The following BTBD10 variants were observed in gnomAD, a reference collection of about 807,000 sequenced individuals.
BTBD10 encodes the protein BTB/POZ domain-containing protein 10.
Under a neutral mutation model 53.2 loss-of-function variants are expected in BTBD10, and 21 were observed. That is an observed-to-expected ratio of 0.39 (90% CI 0.28 to 0.57). BTBD10 has a LOEUF of 0.57. Among genes scored for constraint, BTBD10 ranks in the 20% least tolerant of loss-of-function variants. The pLI is 0.53. For missense variants in BTBD10, 360 were observed against 594.7 expected (o/e 0.61, Z 4.10); for synonymous variants, 149 against 192.7 (o/e 0.77, Z 1.88).
chr11:13,458,263 T>C (rs1591179235), intron 1 of BTBD10, among the ~76,000 whole-genome samples: 1 of 151,936 alleles, frequency 6.6e-6, no homozygotes, highest in African/African-American at 2.4e-5. Flanking sequence ...TCTTAATATG[T>C]TGAGTTCAAG....
chr11:13,409,185 T>A (rs1400348078), intron 6 of BTBD10, among the ~76,000 whole-genome samples: 1 of 152,196 alleles, frequency 6.6e-6, no homozygotes, highest in Non-Finnish European at 1.5e-5. Context: ...CTCTCAAATA[T>A]ACCAGACAAG....
At chr11:13,446,505 C>T (rs1329889014) in intron 1 of BTBD10, among the ~76,000 whole-genome samples, 1 of 151,898 alleles carries the variant, frequency 6.6e-6, no homozygotes. Flanking sequence ...AATAAATGAG[C>T]ATTTAATATA....
chr11:13,445,094 T>G lies in BTBD10; in HGVS notation c.31A>C (p.Asn11His), dbSNP rs1565267885. 6.2e-7 allele frequency: 1 copy of G among 1,613,224 alleles called. No individual in the cohort carries two copies. The highest frequency in any genetic ancestry group is 8.5e-7 in the Non-Finnish European group (1 of 1,179,472). Reference protein sequence around the residue: MAGRPHPYDGNSSDPENWDRK... With the variant: MAGRPHPYDGHSSDPENWDRK... ...TCCCAATTCTCTGGATCACTGGAGT[T>G]ACCATCATAGGGATGAGGCCGTCCT... The change falls in exon 2 of 9, where the codon AAC becomes CAC. Residue 11 changes from asparagine (N) to histidine (H), a missense_variant. Asn to His is a moderately conservative substitution (Grantham distance 68). This residue lies in a region of BTBD10 where 81 missense variants were observed against 82.6 expected (regional missense o/e 0.98). Transcript: ENST00000278174.
intron 1 of BTBD10, among the ~76,000 whole-genome samples, chr11:13,458,032 C>T (rs567019457): frequency 7.2e-4 from 107 of 147,800 alleles, no homozygotes; most frequent in African/African-American, 2.6e-3. Context: ...CTGAGTGTGG[C>T]GGTATGTGCC....
At chr11:13,406,640 T>C (rs1422691867) in intron 6 of BTBD10, among the ~76,000 whole-genome samples, 1 of 135,424 alleles carries the variant, frequency 7.4e-6, no homozygotes, top group Non-Finnish European at 1.6e-5. Context: ...TGTGTGTGTG[T>C]TTGTGTGTGT....
chr11:13,441,399 T>C lies in BTBD10; in HGVS notation c.101+3625A>G, dbSNP rs145867816. Reference sequence around the variant, plus strand: ...GATACACATATCACTAGGTACCCCATAAATATACACAATTATGTGCCAATT... The same window carrying C: ...GATACACATATCACTAGGTACCCCACAAATATACACAATTATGTGCCAATT... On this transcript the variant is annotated intron_variant, in intron 2 of 8. Transcript: ENST00000278174. Among the ~76,000 whole-genome samples the C allele has an allele frequency of 3.4e-3, 510 of 152,238 alleles. 4 individuals carry two copies. The highest frequency in any genetic ancestry group is 0.011 in the African/African-American group (462 of 41,570).
At chr11:13,414,044 G>A (rs1202790121) in intron 5 of BTBD10, among the ~76,000 whole-genome samples, 1 of 152,084 alleles carries the variant, frequency 6.6e-6, no homozygotes, top group Non-Finnish European at 1.5e-5. Flanking sequence ...TAAGGAAATT[G>A]AATGATATGT....
intron 2 of BTBD10, among the ~76,000 whole-genome samples, chr11:13,422,765 C>T (rs543119721): frequency 1.1e-3 from 171 of 152,288 alleles, no homozygotes; most frequent in African/African-American, 3.5e-3. Context: ...AACTTCTCCA[C>T]CAGAAGTGAA....
rs147852867 is a variant in BTBD10, at chr11:13,426,395, C to G, written c.102-4557G>C. 3.2e-3 allele frequency among the ~76,000 whole-genome samples: 489 copies of G among 151,498 alleles called. 4 individuals carry two copies. Among genetic ancestry groups the G allele is most frequent in the African/African-American group, 0.011 (448 of 41,328 alleles). On this transcript the variant is annotated intron_variant, in intron 2 of 8. Transcript: ENST00000278174. ...GGAGTCCTTCAGGCAGAAAAAAAAG[C>G]TAATGCCAGATAAAATATGAATCTA...
At chr11:13,418,078 C>T (rs12360906) in intron 4 of BTBD10, among the ~76,000 whole-genome samples, 23,026 of 151,940 alleles carry the variant, frequency 0.15, 1,998 homozygotes, top group Admixed American at 0.24. Context: ...TCCTATGGTA[C>T]GGTTGAACTA....
rs571962111 is a variant in BTBD10 at position 13,429,934 on chromosome 11, T to A, written c.102-8096A>T. ...GCCTGGGCAACATAGTGAGACCATT[T>A]CTACAAAAAAATTTTTTAAAAATTA... On this transcript the variant is annotated intron_variant, in intron 2 of 8. Transcript: ENST00000278174. Among the ~76,000 whole-genome samples the A allele has an allele frequency of 9.4e-5, 14 of 148,452 alleles. No individual in the cohort carries two copies. The East Asian group carries it at 2.8e-3, about 29-fold the overall frequency.
At chr11:13,407,414 C>T (rs7951183) in intron 6 of BTBD10, among the ~76,000 whole-genome samples, 117,326 of 151,698 alleles carry the variant, frequency 0.77, 46,120 homozygotes, top group Middle Eastern at 0.88. Context: ...TTTAACTTAC[C>T]GTCTCTAACT....
At chr11:13,437,864 A>G (rs1448800019) in intron 2 of BTBD10, among the ~76,000 whole-genome samples, 1 of 152,198 alleles carries the variant, frequency 6.6e-6, no homozygotes, top group Non-Finnish European at 1.5e-5. Flanking sequence ...AAAACCTTCA[A>G]AGATCACAAA....
chr11:13,389,928 T>C (rs1459823084), intron 8 of BTBD10, among the ~76,000 whole-genome samples: 1 of 152,140 alleles, frequency 6.6e-6, no homozygotes, highest in Non-Finnish European at 1.5e-5. Context: ...GCAAGGCCAA[T>C]ATTTTAACCT....
intron 8 of BTBD10, among the ~76,000 whole-genome samples, chr11:13,398,036 A>T (rs868424758): frequency 3.9e-5 from 6 of 152,110 alleles, no homozygotes; most frequent in Non-Finnish European, 8.8e-5. Flanking sequence ...GGGGTGGGGA[A>T]TTCTGTAGAT....
At chr11:13,410,854 A>G (rs2135790661) in intron 6 of BTBD10, among the ~76,000 whole-genome samples, 1 of 152,354 alleles carries the variant, frequency 6.6e-6, no homozygotes, top group Admixed American at 6.5e-5. Context: ...AGAAAATGAT[A>G]AAACTCTACC....
intron 8 of BTBD10, among the ~76,000 whole-genome samples, chr11:13,400,823 G>A (rs1249492028): frequency 6.6e-6 from 1 of 152,138 alleles, no homozygotes; most frequent in Non-Finnish European, 1.5e-5. Flanking sequence ...GGAAATAATA[G>A]GGCAAATCCA....
intron 2 of BTBD10, among the ~76,000 whole-genome samples, chr11:13,430,190 G>A (rs1439641272): frequency 6.6e-6 from 1 of 152,042 alleles, no homozygotes; most frequent in Non-Finnish European, 1.5e-5. Flanking sequence ...ATCTGATAGA[G>A]GACTGATATG....
intron 2 of BTBD10, 134 bp from the exon 3 acceptor site, chr11:13,421,972 C>A: frequency 1.5e-6 from 1 of 663,102 alleles, no homozygotes; most frequent in African/African-American, 1.8e-5. Context: ...AATTCTGAAA[C>A]CTAATTTACC....
Sources: allele counts gnomAD v4.1 joint callset (sites outside exome capture counted in the v4.1 genomes callset), GRCh38; gene constraint gnomAD v4.1.1; regional missense constraint gnomAD v4.1.1; transcripts MANE v1.5; gene names NCBI Gene and HGNC (gene_info 2026-07-23, HGNC 2026-07-21).